SLK: variants seen among roughly 807,000 people sequenced by gnomAD.
SLK encodes STE20-like serine/threonine-protein kinase.
SLK carries 67 observed loss-of-function variants against 147.7 expected under a neutral mutation model. That is an observed-to-expected ratio of 0.45 (90% CI 0.37 to 0.56). The LOEUF is 0.56. Ranked by LOEUF, SLK falls within the 20% of genes least tolerant of loss-of-function variation. SLK has a pLI of 0.00. For synonymous variants in SLK, 441 were observed against 475.0 expected (o/e 0.93, Z 0.93); for missense variants, 1,136 against 1,438.8 (o/e 0.79, Z 3.41).
chr10:104,028,938 C>CT lies in SLK; in HGVS notation c.*3222dup. ...AAGAAATGGGGTGATTCTTTAAATG[C>CT]TTTTCTTAAGTTGAAGGCACAACAG... On this transcript the variant is annotated 3_prime_UTR_variant, in exon 19 of 19. Transcript: ENST00000369755. The CT allele has an allele frequency of 6.6e-6, 1 of 152,258 alleles. No individual in the cohort carries two copies. Among genetic ancestry groups the CT allele is most frequent in the Non-Finnish European group, 1.5e-5 (1 of 68,012 alleles). The allele number at this position is 152,258 out of a possible 1,614,324, so 9.4% of individuals were successfully genotyped here.
rs370687997 is a variant in SLK at position 104,008,399 on chromosome 10, TAA to T, written c.2784+49_2784+50del. On this transcript the variant is annotated intron_variant, in intron 12 of 18. Coordinates refer to ENST00000369755, the MANE Select transcript of SLK (RefSeq NM_014720.4). ...TTTTTAATTACTAAAGCTTTTTTTTTAAAAAAATTGTTTTAAGACTATCTAAG... is the reference window on the plus strand; with the variant it reads ...TTTTTAATTACTAAAGCTTTTTTTTTAAAAATTGTTTTAAGACTATCTAAG... 12 of 1,174,390 alleles carry T rather than the reference TAA, an allele frequency of 1.0e-5. No homozygotes were observed. In the East Asian group the frequency reaches 3.1e-4, roughly 30 times the overall value. The allele number at this position is 1,174,390 out of a possible 1,614,324, so 72.7% of individuals were successfully genotyped here.
intron 1 of SLK, among the ~76,000 whole-genome samples, chr10:103,988,231 C>T (rs1186556028): frequency 6.6e-6 from 1 of 152,192 alleles, no homozygotes; most frequent in Non-Finnish European, 1.5e-5. Context: ...GGAACATTTT[C>T]ATCTCCTAGT....
At position 104,025,817 on chromosome 10, in the gene SLK, C is replaced by A; in HGVS notation, c.*97C>A. 1.0e-6 allele frequency: 1 copy of A among 984,924 alleles called. No homozygotes were observed. The highest frequency in any genetic ancestry group is 1.5e-6 in the Non-Finnish European group (1 of 666,878). The allele number at this position is 984,924 out of a possible 1,614,324, so 61.0% of individuals were successfully genotyped here. On this transcript the variant is annotated 3_prime_UTR_variant, in exon 19 of 19. Transcript: ENST00000369755. ...CTCTCAGATAGCTCATGAAGACAAT[C>A]ACCTGCCTCACCTTCTAGGTGTTTT...
At position 103,990,724 on chromosome 10, in the gene SLK, C is replaced by A. The variant is rs1844081482; in HGVS notation, c.200C>A (p.Thr67Asn). The A allele has an allele frequency of 6.4e-7, 1 of 1,572,682 alleles. No individual in the cohort carries two copies. Among genetic ancestry groups the A allele is most frequent in the Non-Finnish European group, 8.6e-7 (1 of 1,162,430 alleles). ...SVLAAAKVID[T>N]KSEEELEDYM... ...TTAGCTGCTGCAAAAGTGATTGACA[C>A]TAAATCTGAAGAAGAACTTGAAGAT... The change falls in exon 2 of 19, where the codon ACT becomes AAT. Residue 67 changes from threonine to asparagine, a missense_variant. Physicochemically the swap from Thr to Asn is moderately conservative, Grantham distance 65 (BLOSUM62 0). Transcript: ENST00000369755.
chr10:103,976,256 C>A (rs11591965), intron 1 of SLK, among the ~76,000 whole-genome samples: 117,514 of 151,912 alleles, frequency 0.77, 46,036 homozygotes, highest in East Asian at 0.9. Context: ...ATTCTTGTGC[C>A]TTTTGGTGCA....
chr10:103,998,685 G>A (rs1844206696), intron 4 of SLK, among the ~76,000 whole-genome samples: 1 of 152,152 alleles, frequency 6.6e-6, no homozygotes, highest in Admixed American at 6.5e-5. Context: ...GGTATTAAAT[G>A]TATTGATAAT....
chr10:103,995,804 A>G (rs552584195), intron 4 of SLK, among the ~76,000 whole-genome samples: 22 of 152,248 alleles, frequency 1.4e-4, no homozygotes, highest in African/African-American at 5.3e-4. Context: ...GGTGTAAGAG[A>G]TGCTTGCAGT....
intron 13 of SLK, among the ~76,000 whole-genome samples, chr10:104,013,590 A>C (rs1296307651): frequency 6.6e-6 from 1 of 152,188 alleles, no homozygotes. Context: ...AGTCATTCAG[A>C]TATATTCTCA....
chr10:104,025,829 C>T lies in SLK; in HGVS notation c.*109C>T. 1.1e-6 allele frequency: 1 copy of T among 928,476 alleles called. No homozygotes were observed. Among genetic ancestry groups the T allele is most frequent in the Non-Finnish European group, 1.6e-6 (1 of 631,150 alleles). The allele number at this position is 928,476 out of a possible 1,614,324, so 57.5% of individuals were successfully genotyped here. On this transcript the variant is annotated 3_prime_UTR_variant, in exon 19 of 19. Transcript: ENST00000369755. ...TCATGAAGACAATCACCTGCCTCAC[C>T]TTCTAGGTGTTTTCCTTTTTTGTTT...
intron 8 of SLK, 140 bp downstream of exon 8, chr10:104,001,712 C>T (rs573335169): frequency 4.8e-5 from 42 of 881,434 alleles, no homozygotes; most frequent in African/African-American, 2.7e-4. Flanking sequence ...GGTTGCTCGT[C>T]GCTGCACATT....
At chr10:103,999,068 T>C (rs772453441) in intron 5 of SLK, 51 bp from the exon 6 acceptor site, 1 of 1,558,996 alleles carries the variant, frequency 6.4e-7, no homozygotes, top group African/African-American at 1.4e-5. Flanking sequence ...ACCATGTGTT[T>C]TGCAATCACT....
At chr10:103,976,194 T>C (rs1207315453) in intron 1 of SLK, among the ~76,000 whole-genome samples, 1 of 152,184 alleles carries the variant, frequency 6.6e-6, no homozygotes, top group African/African-American at 2.4e-5. Context: ...TGAGCCACCA[T>C]GTCCAGCCTT....
chr10:104,010,942 A>G (rs886918036), intron 13 of SLK, 34 bp downstream of exon 13: 3 of 1,382,448 alleles, frequency 2.2e-6, no homozygotes, highest in African/African-American at 1.5e-5. Flanking sequence ...CTAAAACCAG[A>G]AAGCACCATT....
chr10:103,999,005 G>A (rs1185387252), intron 5 of SLK, 34 bp downstream of exon 5: 1 of 1,551,344 alleles, frequency 6.4e-7, no homozygotes, highest in Middle Eastern at 1.7e-4. Flanking sequence ...TATAGTATTA[G>A]TCATGTCAGC....
chr10:103,988,786 A>T (rs1206356486), intron 1 of SLK, among the ~76,000 whole-genome samples: 1 of 151,942 alleles, frequency 6.6e-6, no homozygotes, highest in Non-Finnish European at 1.5e-5. Context: ...AAATGTTTAT[A>T]TGTGGTTTTT....
At chr10:104,024,105 C>T (rs868688455) in intron 18 of SLK, among the ~76,000 whole-genome samples, 3 of 152,180 alleles carry the variant, frequency 2.0e-5, no homozygotes, top group Non-Finnish European at 2.9e-5. Flanking sequence ...CTGACATCTA[C>T]GCTAGAAACC....
At chr10:103,974,811 C>T (rs867373813) in intron 1 of SLK, 6 of 117,324 alleles carry the variant, frequency 5.1e-5, no homozygotes, top group South Asian at 3.9e-4. Context: ...CTACCACGCC[C>T]GGCTAATTTT....
intron 10 of SLK, 82 bp downstream of exon 10, chr10:104,005,773 G>A (rs1844316636): frequency 6.7e-7 from 1 of 1,501,540 alleles, no homozygotes. Context: ...GAGAAACAAG[G>A]GTAAATTATT....
intron 3 of SLK, 149 bp downstream of exon 3, chr10:103,992,795 A>C: frequency 1.4e-6 from 1 of 697,804 alleles, no homozygotes; most frequent in Non-Finnish European, 2.3e-6. Flanking sequence ...TTCTTGGATA[A>C]TTATAGTAAA....
Sources: allele counts gnomAD v4.1 joint callset (sites outside exome capture counted in the v4.1 genomes callset), GRCh38; gene constraint gnomAD v4.1.1; transcripts MANE v1.5; gene names NCBI Gene and HGNC (gene_info 2026-07-23, HGNC 2026-07-21).